The following OBI1 variants were observed in gnomAD, a reference collection of about 807,000 sequenced individuals.
The protein encoded by OBI1 is ring finger protein 219.
In OBI1, 59 loss-of-function variants were observed where a neutral mutation model predicts 62.4. The ratio of observed to expected loss-of-function variants is 0.95; its 90% CI spans 0.77 to 1.17. The LOEUF (loss-of-function observed/expected upper bound fraction) is 1.17. Ranked by LOEUF, OBI1 falls within the 50% of genes most tolerant of loss-of-function variation. The pLI, the probability that OBI1 is intolerant of heterozygous loss-of-function variation, is 0.00. For missense variants in OBI1, 875 were observed against 830.9 expected (o/e 1.05, Z -0.65); for synonymous variants, 302 against 292.8 (o/e 1.03, Z -0.32).
intron 2 of OBI1, among the ~76,000 whole-genome samples, chr13:78,642,655 C>A (rs994942616): frequency 6.6e-6 from 1 of 152,140 alleles, no homozygotes; most frequent in Non-Finnish European, 1.5e-5. Context: ...GAGGCCGAGG[C>A]GGGCGGATCA....
intron 4 of OBI1, 87 bp downstream of exon 4, chr13:78,638,736 A>C (rs1027476487): frequency 1.1e-5 from 13 of 1,177,894 alleles, no homozygotes; most frequent in African/African-American, 1.5e-5. Context: ...TCATCTGATG[A>C]TGAGTCAAGA....
At chr13:78,634,366 C>T (rs1284379432) in intron 5 of OBI1, among the ~76,000 whole-genome samples, 1 of 151,934 alleles carries the variant, frequency 6.6e-6, no homozygotes, top group Non-Finnish European at 1.5e-5. Flanking sequence ...ATGATCTCGG[C>T]CCAATGCAAC....
intron 5 of OBI1, among the ~76,000 whole-genome samples, chr13:78,634,907 A>G (rs1875973537): frequency 6.6e-6 from 1 of 152,222 alleles, no homozygotes; most frequent in South Asian, 2.1e-4. Flanking sequence ...GTACAGGCAT[A>G]AAATTCTTTC....
At chr13:78,654,986 A>G (rs1421825914) in intron 1 of OBI1, among the ~76,000 whole-genome samples, 2 of 152,258 alleles carry the variant, frequency 1.3e-5, no homozygotes, top group African/African-American at 2.4e-5. Flanking sequence ...GGTAGGACCC[A>G]AAACTGGACT....
Position 78,656,892 on chromosome 13 carries a change from G to A in OBI1, c.72+2157C>T, listed in dbSNP as rs1224766365. 3.5e-4 allele frequency among the ~76,000 whole-genome samples: 51 copies of A among 146,608 alleles called. No individual in the cohort carries two copies. The Admixed American group carries it at 3.5e-3, about 10-fold the overall frequency. On this transcript the variant is annotated intron_variant, in intron 1 of 5. Transcript: ENST00000282003. ...AGCTCACTACAACCTCCGCCTCCCA[G>A]GTTCAAGCAATTCTCCTGCCTCAAC...
At position 78,616,048 on chromosome 13, in the gene OBI1, A is replaced by G; in HGVS notation, c.1713T>C (p.Ser571=). 6.2e-7 allele frequency: 1 copy of G among 1,614,188 alleles called. No homozygotes were observed. The highest frequency in any genetic ancestry group is 8.5e-7 in the Non-Finnish European group (1 of 1,180,016). ...GTTCCTCAAGAAATTCACTGCCTTG[A>G]GATGACTTTGATAACCCATCCAAAT... The part of the protein sequence containing the change: ...SLDLDGLSKS[S]QGSEFLEEPD... The change falls in exon 6 of 6, where the codon TCT becomes TCC. Residue 571 remains serine (S), a synonymous_variant. Transcript: ENST00000282003.
intron 1 of OBI1, among the ~76,000 whole-genome samples, chr13:78,657,851 G>A (rs1282417304): frequency 2.0e-5 from 3 of 152,040 alleles, no homozygotes; most frequent in Non-Finnish European, 2.9e-5. Context: ...CCCCCTAGCC[G>A]TGCAGGCAGT....
rs114975823 is a variant in OBI1, at chr13:78,647,291, C to T, written c.73-2294G>A. ...TTGAGATAAGAGGAAGGCCTGTCTC[C>T]TGCCTGCCCCGGGAATGGAATGTCT... On this transcript the variant is annotated intron_variant, in intron 1 of 5. Coordinates refer to ENST00000282003, the MANE Select transcript of OBI1 (RefSeq NM_024546.4). Among the ~76,000 whole-genome samples, 1,007 of 152,324 alleles carry T rather than the reference C, an allele frequency of 6.6e-3. 7 individuals carry two copies. Among genetic ancestry groups the T allele is most frequent in the African/African-American group, 0.023 (969 of 41,580 alleles).
chr13:78,632,590 G>T (rs151104840), intron 5 of OBI1, among the ~76,000 whole-genome samples: 1 of 152,018 alleles, frequency 6.6e-6, no homozygotes, highest in South Asian at 2.1e-4. Context: ...CTAAACCAAG[G>T]GATTAAAATG....
At chr13:78,632,036 A>G (rs1875867442) in intron 5 of OBI1, among the ~76,000 whole-genome samples, 1 of 152,132 alleles carries the variant, frequency 6.6e-6, no homozygotes, top group Non-Finnish European at 1.5e-5. Context: ...GCATCTTAGA[A>G]AGAAATATGT....
At chr13:78,658,908 T>C in intron 1 of OBI1, 141 bp downstream of exon 1, 1 of 661,702 alleles carries the variant, frequency 1.5e-6, no homozygotes. Flanking sequence ...GGACGCGGCC[T>C]CCCATCAAGA....
chr13:78,635,208 C>G lies in OBI1; in HGVS notation c.550-10G>C. On this transcript the variant is annotated splice_polypyrimidine_tract_variant and intron_variant, in intron 4 of 5. Coordinates refer to ENST00000282003, the MANE Select transcript of OBI1 (RefSeq NM_024546.4). ...TCAATTTTTTATTTGCCTAAAATAA[C>G]AAATTGAAAATAAGTAAGCAAAAGC... The G allele has an allele frequency of 6.6e-7, 1 of 1,520,022 alleles. No homozygotes were observed. The allele number at this position is 1,520,022 out of a possible 1,614,324, so 94.2% of individuals were successfully genotyped here.
chr13:78,623,818 C>A (rs1304419548), intron 5 of OBI1, among the ~76,000 whole-genome samples: 3 of 152,166 alleles, frequency 2.0e-5, no homozygotes, highest in African/African-American at 7.2e-5. Flanking sequence ...TGCACAAATT[C>A]AGTAAACATT....
chr13:78,654,263 T>TA (rs1463797029), intron 1 of OBI1, among the ~76,000 whole-genome samples: 3 of 152,216 alleles, frequency 2.0e-5, no homozygotes, highest in African/African-American at 7.2e-5. Flanking sequence ...ATTAACTTAT[T>TA]ATACACTATG....
rs571738824 is a variant in OBI1 at position 78,638,741 on chromosome 13, T to C, written c.549+82A>G. ...TCCTCACAAATCATCTGATGATGAG[T>C]CAAGATAATATGGCTATTTATGCTT... On this transcript the variant is annotated intron_variant, in intron 4 of 5. Transcript: ENST00000282003. The C allele has an allele frequency of 1.6e-5, 20 of 1,250,418 alleles. No individual in the cohort carries two copies. The East Asian group carries it at 3.5e-4, about 22-fold the overall frequency. 77.5% of individuals were successfully genotyped at this position (1,250,418 alleles called of 1,614,324 possible).
At chr13:78,649,425 T>G (rs1290456989) in intron 1 of OBI1, among the ~76,000 whole-genome samples, 1 of 152,166 alleles carries the variant, frequency 6.6e-6, no homozygotes, top group Non-Finnish European at 1.5e-5. Flanking sequence ...TGATGTGCAC[T>G]GAGATGTGAC....
At chr13:78,618,695 C>A (rs182335379) in intron 5 of OBI1, among the ~76,000 whole-genome samples, 4 of 152,126 alleles carry the variant, frequency 2.6e-5, no homozygotes, top group African/African-American at 9.7e-5. Flanking sequence ...CTCCCTTCAA[C>A]TTCTAAAAAA....
chr13:78,630,379 C>T (rs1314051380), intron 5 of OBI1, among the ~76,000 whole-genome samples: 1 of 152,042 alleles, frequency 6.6e-6, no homozygotes, highest in Non-Finnish European at 1.5e-5. Context: ...TGTCTTATTT[C>T]CTTTGTATTA....
intron 2 of OBI1, among the ~76,000 whole-genome samples, chr13:78,643,801 T>C (rs1876295599): frequency 6.6e-6 from 1 of 151,724 alleles, no homozygotes; most frequent in African/African-American, 2.4e-5. Context: ...AAAAAAAAAA[T>C]CTTATTTAAG....
Sources: allele counts gnomAD v4.1 joint callset (sites outside exome capture counted in the v4.1 genomes callset), GRCh38; gene constraint gnomAD v4.1.1; transcripts MANE v1.5; gene names NCBI Gene and HGNC (gene_info 2026-07-23, HGNC 2026-07-21).